Variants in CTNNA1 observed in about 807,000 individuals in gnomAD.
The protein encoded by CTNNA1 is catenin alpha 1, also known as catenin alpha-1.
In CTNNA1, 37 loss-of-function variants were observed where a neutral mutation model predicts 98.4. The ratio of observed to expected loss-of-function variants is 0.38; its 90% confidence interval spans 0.29 to 0.49. CTNNA1 has a LOEUF of 0.49. CTNNA1 is among the 20% of genes least tolerant of loss of function. CTNNA1 has a pLI of 0.95. For missense variants in CTNNA1, 761 were observed against 1,147.2 expected (o/e 0.66, Z 4.86); for synonymous variants, 404 against 413.2 (o/e 0.98, Z 0.27).
At chr5:138,759,704 G>A (rs1385244158) in intron 1 of CTNNA1, among the ~76,000 whole-genome samples, 1 of 152,188 alleles carries the variant, frequency 6.6e-6, no homozygotes, top group Non-Finnish European at 1.5e-5. Context: ...CCCAAAAGCT[G>A]CTTGCAAGCT....
chr5:138,831,216 A>G (rs531888271), intron 7 of CTNNA1, among the ~76,000 whole-genome samples: 2 of 152,166 alleles, frequency 1.3e-5, no homozygotes, highest in South Asian at 4.1e-4. Context: ...ACCAGGTTCC[A>G]CTGGCTTTTT....
intron 3 of CTNNA1, among the ~76,000 whole-genome samples, chr5:138,784,103 C>G (rs909634872): frequency 6.6e-6 from 1 of 152,214 alleles, no homozygotes; most frequent in Non-Finnish European, 1.5e-5. Context: ...TGGGGTTTCA[C>G]TAGTTGCCCA....
intron 2 of CTNNA1, chr5:138,782,240 A>G: frequency 1.6e-6 from 1 of 632,404 alleles, no homozygotes; most frequent in South Asian, 1.6e-5. Context: ...TATTGCTAGT[A>G]ACGGGTCCAT....
intron 14 of CTNNA1, among the ~76,000 whole-genome samples, chr5:138,930,079 A>T (rs1764977379): frequency 6.6e-6 from 1 of 152,158 alleles, no homozygotes; most frequent in East Asian, 1.9e-4. Context: ...AGCCACTTTC[A>T]GTTCATCTTG....
intron 3 of CTNNA1, among the ~76,000 whole-genome samples, chr5:138,804,789 G>A (rs1372875485): frequency 1.3e-5 from 2 of 152,076 alleles, no homozygotes; most frequent in African/African-American, 4.8e-5. Flanking sequence ...TTAGGTTGGT[G>A]CAAAAGTAGT....
At chr5:138,918,740 C>T (rs1022310942) in intron 11 of CTNNA1, among the ~76,000 whole-genome samples, 2 of 152,192 alleles carry the variant, frequency 1.3e-5, no homozygotes, top group African/African-American at 2.4e-5. Context: ...CCTCTGTTGC[C>T]CTTGGCTGCA....
At chr5:138,860,004 G>A (rs566002893) in intron 7 of CTNNA1, among the ~76,000 whole-genome samples, 6 of 152,232 alleles carry the variant, frequency 3.9e-5, no homozygotes, top group East Asian at 1.9e-4. Context: ...TGTGGTGTGC[G>A]TGTGCATGCG....
At chr5:138,791,725 T>C (rs890468466) in intron 3 of CTNNA1, among the ~76,000 whole-genome samples, 24 of 146,510 alleles carry the variant, frequency 1.6e-4, no homozygotes, top group African/African-American at 5.0e-4. Context: ...TGCAAGCATC[T>C]GGGTAATCTT....
In CTNNA1 at chr5:138,929,308, G is replaced by A. The variant is rs538120740; in HGVS notation, c.1962G>A (p.Thr654=). The change falls in exon 14 of 18, where the codon ACG becomes ACA. Residue 654 remains threonine, a synonymous_variant. Transcript: ENST00000302763. The part of the protein sequence containing the change: ...ETEDFDVRSR[T]SVQTEDDQLI... The stretch of plus-strand genomic sequence containing the variant: ...AAGATTTTGATGTCAGAAGCAGGAC[G>A]AGCGTCCAGACAGAAGACGATCAGC... 47 of 1,612,336 alleles carry A rather than the reference G, an allele frequency of 2.9e-5. No homozygotes were observed. Among genetic ancestry groups the A allele is most frequent in the Non-Finnish European group, 3.8e-5 (45 of 1,178,450 alleles).
chr5:138,790,340 T>C (rs1471940255), intron 3 of CTNNA1, among the ~76,000 whole-genome samples: 1 of 152,260 alleles, frequency 6.6e-6, no homozygotes, highest in Admixed American at 6.5e-5. Context: ...TGAGGCAGCA[T>C]GTGCTGCTAA....
At chr5:138,892,130 C>T (rs998928924) in intron 9 of CTNNA1, among the ~76,000 whole-genome samples, 2 of 151,984 alleles carry the variant, frequency 1.3e-5, no homozygotes, top group African/African-American at 4.8e-5. Flanking sequence ...TGTATAAAAC[C>T]AAGCTGTGCC....
intron 2 of CTNNA1, among the ~76,000 whole-genome samples, chr5:138,782,638 A>G (rs1401638232): frequency 6.6e-6 from 1 of 152,220 alleles, no homozygotes; most frequent in Non-Finnish European, 1.5e-5. Context: ...ATGTGTATTA[A>G]TGATGGTAAT....
At chr5:138,880,960 G>T (rs979504445) in intron 7 of CTNNA1, 10 of 437,092 alleles carry the variant, frequency 2.3e-5, no homozygotes, top group Non-Finnish European at 4.6e-6. Context: ...CATTGAATAT[G>T]TGATGTTGTT....
In CTNNA1 at chr5:138,924,275, A is replaced by ATT. The variant is rs1206042759; in HGVS notation, c.1547-230_1547-229dup. On this transcript the variant is annotated intron_variant, in intron 11 of 17. Coordinates refer to ENST00000302763, the MANE Select transcript of CTNNA1 (RefSeq NM_001903.5). Reference sequence around the variant, plus strand: ...CCTGTTTTTTTTGTGTGTGTTTTTTATTTTTTGTTTTTTTTTTTTTAAAAA... The same window carrying ATT: ...CCTGTTTTTTTTGTGTGTGTTTTTTATTTTTTTTGTTTTTTTTTTTTTAAAAA... Among the ~76,000 whole-genome samples, 361 of 128,588 alleles carry ATT rather than the reference A, an allele frequency of 2.8e-3. 1 individual carries two copies. Among genetic ancestry groups the ATT allele is most frequent in the African/African-American group, 9.6e-3 (324 of 33,594 alleles). 84.4% of individuals were successfully genotyped at this position (128,588 alleles called of 152,430 possible). A position where few individuals can be genotyped will look rare whatever the true frequency, so the allele number is the denominator to read the frequency against.
chr5:138,866,057 TC>T (rs1377562586), intron 7 of CTNNA1, among the ~76,000 whole-genome samples: 1 of 152,120 alleles, frequency 6.6e-6, no homozygotes, highest in Non-Finnish European at 1.5e-5. Context: ...ACGCCTGTAA[TC>T]CCAACTCTTT....
At position 138,850,593 on chromosome 5, in the gene CTNNA1, C is replaced by G. The variant is rs534429090; in HGVS notation, c.1062+22875C>G. ...TCTTACGGTGTTAGATCTCTTTATA[C>G]TTCATTAATTTATTTTTCACATCAC... is the stretch of plus-strand genomic sequence containing the variant. On this transcript the variant is annotated intron_variant, in intron 7 of 17. Transcript: ENST00000302763. Among the ~76,000 whole-genome samples, 9 of 152,078 alleles carry G rather than the reference C, an allele frequency of 5.9e-5. No homozygotes were observed. In the East Asian group the frequency reaches 1.7e-3, roughly 29 times the overall value.
At chr5:138,897,037 T>A (rs1756966370) in intron 9 of CTNNA1, among the ~76,000 whole-genome samples, 1 of 152,148 alleles carries the variant, frequency 6.6e-6, no homozygotes, top group Admixed American at 6.5e-5. Flanking sequence ...ATGCCATTAA[T>A]GAAATCCTGC....
chr5:138,818,937 A>G (rs146649847), intron 5 of CTNNA1, among the ~76,000 whole-genome samples: 128 of 152,246 alleles, frequency 8.4e-4, no homozygotes, highest in Non-Finnish European at 9.4e-4. Context: ...TTTGTTCTCT[A>G]TGGCAGAGTT....
In CTNNA1 at chr5:138,874,137, A is replaced by G. The variant is rs764523434; in HGVS notation, c.1063-12075A>G. On this transcript the variant is annotated intron_variant, in intron 7 of 17. Coordinates refer to ENST00000302763, the MANE Select transcript of CTNNA1 (RefSeq NM_001903.5). The surrounding 1 kb of genome is among the most constrained non-coding windows in gnomAD (Gnocchi z 4.1). ...GGGTGCAGAGATGACAGCTGATTAAAAGACAGGTCCAAATTTTGCAGGTTA... is the reference window on the plus strand; with the variant it reads ...GGGTGCAGAGATGACAGCTGATTAAGAGACAGGTCCAAATTTTGCAGGTTA... 1 of 1,613,796 alleles carries G rather than the reference A, an allele frequency of 6.2e-7. No individual in the cohort carries two copies. Among genetic ancestry groups the G allele is most frequent in the Non-Finnish European group, 8.5e-7 (1 of 1,179,740 alleles).
Sources: gnomAD v4.1 joint callset for allele counts (sites outside exome capture counted in the v4.1 genomes callset) on GRCh38, gnomAD v4.1.1 for gene constraint, Gnocchi (gnomAD v3.1) non-coding constraint, MANE v1.5 for transcripts, NCBI Gene and HGNC (gene_info 2026-07-23, HGNC 2026-07-21) for gene names.